The following PLXNA4 variants were observed in gnomAD, a reference collection of about 807,000 sequenced individuals.
The protein encoded by PLXNA4 is plexin-A4.
Under a neutral mutation model 191.8 loss-of-function variants are expected in PLXNA4, and 44 were observed. The observed-to-expected ratio is 0.23, with a 90% CI of 0.18 to 0.29. PLXNA4 has a LOEUF of 0.29. Ranked by LOEUF, PLXNA4 falls within the 10% of genes least tolerant of loss-of-function variation. PLXNA4 has a pLI of 1.00. For synonymous variants in PLXNA4, 1,082 were observed against 1,009.5 expected, an observed-to-expected ratio of 1.07 and a Z score of -1.36; for missense variants, 1,800 against 2,488.8, an observed-to-expected ratio of 0.72 and a Z score of 5.89.
At chr7:132,194,317 C>A (rs1371627243) in intron 13 of PLXNA4, 138 bp from the exon 14 acceptor site, 1 of 1,342,056 alleles carries the variant, frequency 7.5e-7, no homozygotes. Flanking sequence ...GGGAAGATAT[C>A]CTAATTCCTC....
At chr7:132,517,727 C>G (rs976521938) in intron 1 of PLXNA4, among the ~76,000 whole-genome samples, 3 of 152,152 alleles carry the variant, frequency 2.0e-5, no homozygotes, top group African/African-American at 4.8e-5. Flanking sequence ...GATGGCCAAG[C>G]TAACATATAC....
chr7:132,604,547 A>T (rs1324949365), intron 2 of PLXNA4, among the ~76,000 whole-genome samples: 1 of 152,174 alleles, frequency 6.6e-6, no homozygotes, highest in African/African-American at 2.4e-5. Flanking sequence ...TCTGGTAAAC[A>T]GTTGTTTTTC....
chr7:132,363,737 CTA>C (rs1437443825), intron 3 of PLXNA4, among the ~76,000 whole-genome samples: 2 of 152,216 alleles, frequency 1.3e-5, no homozygotes, highest in Non-Finnish European at 2.9e-5. Flanking sequence ...TATAGTAATT[CTA>C]TGTTTAATTT....
At chr7:132,192,225 T>C (rs1278025976) in intron 14 of PLXNA4, among the ~76,000 whole-genome samples, 1 of 152,182 alleles carries the variant, frequency 6.6e-6, no homozygotes, top group Non-Finnish European at 1.5e-5. Flanking sequence ...CCTCCCCTTC[T>C]AGACTGTAGG....
chr7:132,178,695 A>AACATAT (rs1796558358), intron 20 of PLXNA4, among the ~76,000 whole-genome samples: 1 of 90,802 alleles, frequency 1.1e-5, no homozygotes, highest in Non-Finnish European at 2.1e-5. Context: ...TTGTAAATGA[A>AACATAT]ACACATACAC....
rs184276302 is a variant in PLXNA4 at position 132,540,611 on chromosome 7, T to G, written c.-86-31832A>C. ...TTTTTTTTTTTTTGAGACGGAGTCT[T>G]GCTCTGTCGCCCAGGCCGGACTGCG... On this transcript the variant is annotated intron_variant, in intron 1 of 31. Coordinates refer to ENST00000321063, the MANE Select transcript of PLXNA4 (RefSeq NM_020911.2). Among the ~76,000 whole-genome samples, 42 of 119,712 alleles carry G rather than the reference T, an allele frequency of 3.5e-4. No individual in the cohort carries two copies. In the East Asian group the frequency reaches 9.5e-3, roughly 27 times the overall value. 78.5% of individuals were successfully genotyped at this position (119,712 alleles called of 152,430 possible). A position where few individuals can be genotyped will look rare whatever the true frequency, so the allele number is the denominator to read the frequency against.
At chr7:132,204,162 G>T (rs1279740209) in intron 10 of PLXNA4, among the ~76,000 whole-genome samples, 3 of 152,178 alleles carry the variant, frequency 2.0e-5, no homozygotes, top group Non-Finnish European at 2.9e-5. Flanking sequence ...TCCTCGGAGG[G>T]CTCCTCAGGG....
chr7:132,128,486 G>GTAAGTGT lies in PLXNA4; in HGVS notation c.*1992_*1993insACACTTA, dbSNP rs1794840261. ...AGCTCTCAGCATAGAAAGCAAGTAA[G>GTAAGTGT]TGTTGAAATGTCCTGAAGCTGCAGG... is the stretch of plus-strand genomic sequence containing the variant. On this transcript the variant is annotated 3_prime_UTR_variant, in exon 32 of 32. Transcript: ENST00000321063. 6.6e-6 allele frequency: 1 copy of GTAAGTGT among 152,148 alleles called. No individual in the cohort carries two copies. The highest frequency in any genetic ancestry group is 2.4e-5 in the African/African-American group (1 of 41,388). 9.4% of individuals were successfully genotyped at this position (152,148 alleles called of 1,614,324 possible).
chr7:132,493,005 C>G (rs562456566), intron 2 of PLXNA4, among the ~76,000 whole-genome samples: 2 of 152,282 alleles, frequency 1.3e-5, no homozygotes, highest in South Asian at 4.1e-4. Context: ...ATTACAGTAC[C>G]TGAAGCAGGG....
At chr7:132,311,156 TTGTGTGTGTGTGTG>T (rs749947062) in intron 3 of PLXNA4, among the ~76,000 whole-genome samples, 30 of 132,040 alleles carry the variant, frequency 2.3e-4, no homozygotes, top group Non-Finnish European at 3.2e-4. Flanking sequence ...TCTAGGATAA[TTGTGTGTGTGTGTG>T]TGTGTGTGTG....
intron 2 of PLXNA4, among the ~76,000 whole-genome samples, chr7:132,592,464 T>A (rs1165660258): frequency 2.0e-5 from 3 of 151,796 alleles, no homozygotes; most frequent in African/African-American, 4.8e-5. Context: ...GTCTGCATTA[T>A]CCTCAGCCAT....
At chr7:132,335,604 G>T (rs1368639214) in intron 3 of PLXNA4, among the ~76,000 whole-genome samples, 1 of 152,180 alleles carries the variant, frequency 6.6e-6, no homozygotes, top group Admixed American at 6.5e-5. Context: ...AAATTGATGC[G>T]TTCTGACATT....
At chr7:132,196,729 G>A (rs1797265246) in intron 13 of PLXNA4, among the ~76,000 whole-genome samples, 1 of 152,180 alleles carries the variant, frequency 6.6e-6, no homozygotes, top group African/African-American at 2.4e-5. Context: ...TACACCATGA[G>A]TGAAGGAGTC....
At chr7:132,613,920 G>A (rs747978795) in intron 2 of PLXNA4, among the ~76,000 whole-genome samples, 1 of 152,196 alleles carries the variant, frequency 6.6e-6, no homozygotes, top group East Asian at 1.9e-4. Flanking sequence ...TGGGCGTGGG[G>A]CTTCAAAGGG....
chr7:132,385,303 A>T, intron 3 of PLXNA4: 1 of 1,608,656 alleles, frequency 6.2e-7, no homozygotes, highest in Non-Finnish European at 8.5e-7. Context: ...CATCTGGAAA[A>T]GATGAAACCT....
rs370872837 is a variant in PLXNA4 at position 132,561,175 on chromosome 7, C to T, written c.-87+15247G>A. Reference sequence around the variant, plus strand: ...CAGACCCCAAGGGCTGTGCTCTCACCTCTCTGTGCTGCTTCCTCCACGTGG... The same window carrying T: ...CAGACCCCAAGGGCTGTGCTCTCACTTCTCTGTGCTGCTTCCTCCACGTGG... On this transcript the variant is annotated intron_variant, in intron 1 of 31. Transcript: ENST00000321063. 4.5e-4 allele frequency among the ~76,000 whole-genome samples: 69 copies of T among 152,206 alleles called. 2 individuals carry two copies. The South Asian group carries it at 0.014, about 31-fold the overall frequency.
rs539474074 is a variant in PLXNA4, at chr7:132,204,677, G to A, written c.2299-1258C>T. On this transcript the variant is annotated intron_variant, in intron 10 of 31. Transcript: ENST00000321063. ...TGGCCATGGCACCTTCATGGACAGG[G>A]AGGGTGGCCACAGGACATGGGAAAA... Among the ~76,000 whole-genome samples the A allele has an allele frequency of 2.0e-5, 3 of 152,330 alleles. No individual in the cohort carries two copies. In the East Asian group the frequency reaches 5.8e-4, roughly 29 times the overall value.
intron 3 of PLXNA4, among the ~76,000 whole-genome samples, chr7:132,327,364 T>C (rs1802415120): frequency 6.6e-6 from 1 of 152,098 alleles, no homozygotes; most frequent in Admixed American, 6.5e-5. Flanking sequence ...AAAATTAAGA[T>C]TAAATATATA....
chr7:132,480,732 C>T (rs1797302035), intron 3 of PLXNA4, among the ~76,000 whole-genome samples: 1 of 152,190 alleles, frequency 6.6e-6, no homozygotes, highest in Non-Finnish European at 1.5e-5. Context: ...CCTGGAAAAC[C>T]TCCTCCCCTC....
Sources: gnomAD v4.1 joint callset for allele counts (sites outside exome capture counted in the v4.1 genomes callset) on GRCh38, gnomAD v4.1.1 for gene constraint, MANE v1.5 for transcripts, NCBI Gene and HGNC (gene_info 2026-07-23, HGNC 2026-07-21) for gene names.